ABCA4: variants seen among roughly 807,000 people sequenced by gnomAD.
The protein encoded by ABCA4 is ATP binding cassette subfamily A member 4.
A neutral mutation model predicts 263.7 loss-of-function variants in ABCA4; 196 were observed. That is an observed-to-expected ratio of 0.74 (90% confidence interval 0.66 to 0.84). The LOEUF is 0.84. Ranked by LOEUF, ABCA4 falls within the 40% of genes least tolerant of loss-of-function variation. The pLI is 0.00. For synonymous variants in ABCA4, 1,133 were observed against 1,094.2 expected (o/e 1.04, Z -0.70); for missense variants, 2,792 against 2,855.1 (o/e 0.98, Z 0.50).
At chr1:94,119,501 A>G (rs769099703) in intron 1 of ABCA4, among the ~76,000 whole-genome samples, 2 of 152,050 alleles carry the variant, frequency 1.3e-5, no homozygotes, top group Non-Finnish European at 2.9e-5. Context: ...ACATGCACCA[A>G]CCTGCCAGGG....
chr1:94,102,908 T>C (rs1662321273), intron 5 of ABCA4, 107 bp downstream of exon 5: 1 of 1,497,052 alleles, frequency 6.7e-7, no homozygotes, highest in Non-Finnish European at 9.2e-7. Flanking sequence ...GGATTCTGAA[T>C]GTGAACACAA....
intron 11 of ABCA4, among the ~76,000 whole-genome samples, chr1:94,075,735 G>A (rs1162842239): frequency 6.6e-6 from 1 of 152,244 alleles, no homozygotes. Flanking sequence ...AGATGACACA[G>A]ACCCAGACCT....
intron 48 of ABCA4, among the ~76,000 whole-genome samples, chr1:93,996,968 A>G (rs1326839534): frequency 6.6e-6 from 1 of 152,194 alleles, no homozygotes; most frequent in Non-Finnish European, 1.5e-5. Flanking sequence ...AAAGTAGAAC[A>G]GTAGTTGCCA....
At position 94,019,215 on chromosome 1, in the gene ABCA4, C is replaced by T. The variant is rs1237869540; in HGVS notation, c.5196+367G>A. 2.6e-5 allele frequency among the ~76,000 whole-genome samples: 4 copies of T among 151,720 alleles called. No homozygotes were observed. In the East Asian group the frequency reaches 7.7e-4, roughly 29 times the overall value. ...GGTGGGGCAGGATTTGAGAAGGGGACTTGGGGTGAAAGACCCCTTCATATT... is the reference window on the plus strand; with the variant it reads ...GGTGGGGCAGGATTTGAGAAGGGGATTTGGGGTGAAAGACCCCTTCATATT... On this transcript the variant is annotated intron_variant, in intron 36 of 49. Coordinates refer to ENST00000370225, the MANE Select transcript of ABCA4 (RefSeq NM_000350.3).
chr1:94,023,505 T>G, intron 31 of ABCA4, 87 bp from the exon 32 acceptor site: 1 of 1,216,050 alleles, frequency 8.2e-7, no homozygotes, highest in South Asian at 1.3e-5. Context: ...TTTTGAAGAC[T>G]GAAGTCTCAG....
chr1:94,112,605 C>T (rs560372472), intron 2 of ABCA4, among the ~76,000 whole-genome samples: 2 of 152,098 alleles, frequency 1.3e-5, no homozygotes, highest in East Asian at 3.9e-4. Flanking sequence ...CAAGACCAGC[C>T]CGGGCAATGT....
At chr1:94,044,782 T>C (rs1042466725) in intron 19 of ABCA4, 38 bp from the exon 20 acceptor site, 1 of 1,614,120 alleles carries the variant, frequency 6.2e-7, no homozygotes, top group Middle Eastern at 1.6e-4. Context: ...AGAGATGGCC[T>C]TTAGCAACAT....
At chr1:94,044,176 C>T (rs919546162) in intron 20 of ABCA4, among the ~76,000 whole-genome samples, 4 of 148,764 alleles carry the variant, frequency 2.7e-5, no homozygotes, top group African/African-American at 7.5e-5. Flanking sequence ...TGCGTAGCTT[C>T]TTAGATAAGA....
In ABCA4 at chr1:94,019,713, A is replaced by T; in HGVS notation, c.5065T>A (p.Ser1689Thr). Residue 1689 changes from serine (S) to threonine (T), a missense_variant, in exon 36 of 50, where the codon TCC becomes ACC. Physicochemically the swap from Ser to Thr is moderately conservative, Grantham distance 58. Transcript: ENST00000370225. Reference sequence around the variant, plus strand: ...AAGCTGGCTGGGACGAAGGACATGGAGAAAATCACGCAGATGGCAACCACA... The same window carrying T: ...AAGCTGGCTGGGACGAAGGACATGGTGAAAATCACGCAGATGGCAACCACA... ...DAVVAICVIF[S>T]MSFVPASFVL... The T allele has an allele frequency of 6.2e-7, 1 of 1,613,756 alleles. No individual in the cohort carries two copies. Among genetic ancestry groups the T allele is most frequent in the Non-Finnish European group, 8.5e-7 (1 of 1,179,872 alleles).
At chr1:94,045,586 A>T in intron 19 of ABCA4, 1 of 374,246 alleles carries the variant, frequency 2.7e-6, no homozygotes. Flanking sequence ...GTTAGCATGG[A>T]GAGAAAGCAG....
rs187557295 is a variant in ABCA4, at chr1:93,992,957, G to C, written c.*280C>G. The C allele has an allele frequency of 1.9e-5, 10 of 522,220 alleles. No individual in the cohort carries two copies. In the East Asian group the frequency reaches 3.0e-4, roughly 15 times the overall value. 32.3% of individuals were successfully genotyped at this position (522,220 alleles called of 1,614,324 possible). ...TGAGAGCAATATGGAGGCCAAAGCT[G>C]CTAGTGGGATGGCCCGGGGTTTCTA... On this transcript the variant is annotated 3_prime_UTR_variant, in exon 50 of 50. Transcript: ENST00000370225.
At chr1:94,111,369 C>T (rs539343780) in intron 3 of ABCA4, 69 bp downstream of exon 3, 8 of 1,578,926 alleles carry the variant, frequency 5.1e-6, no homozygotes, top group Admixed American at 1.7e-5. Flanking sequence ...CGTGCACGCA[C>T]GTGTGCATTT....
intron 4 of ABCA4, among the ~76,000 whole-genome samples, chr1:94,104,305 C>T (rs533579895): frequency 1.3e-4 from 20 of 152,200 alleles, no homozygotes; most frequent in Non-Finnish European, 1.5e-4. Flanking sequence ...CTCTTCACCC[C>T]GAGTGCTTCA....
intron 11 of ABCA4, among the ~76,000 whole-genome samples, chr1:94,065,357 T>A (rs545791479): frequency 3.9e-5 from 6 of 152,210 alleles, no homozygotes; most frequent in African/African-American, 1.4e-4. Context: ...CCCAGGTCAT[T>A]TGATTCCACA....
rs1659055754 is a variant in ABCA4, at chr1:93,997,971, G to A, written c.6619C>T (p.Gln2207Ter). 1 of 1,614,070 alleles carries A rather than the reference G, an allele frequency of 6.2e-7. No individual in the cohort carries two copies. The highest frequency in any genetic ancestry group is 1.1e-5 in the South Asian group (1 of 91,076). The change falls in exon 48 of 50, where the codon CAG becomes TAG. Residue 2207 changes from glutamine (Q) to a stop codon, truncating the protein, a stop_gained. Coordinates refer to ENST00000370225, the MANE Select transcript of ABCA4 (RefSeq NM_000350.3). LOFTEE classifies it high-confidence loss of function. ...AGGGAGGAGGAGGAGACCTGGAACT[G>A]GAGCATGTTGTAGTGCCTCTCCCTC... The part of the protein sequence containing the change: ...VQRERHYNML[Q>*]FQVSSSSLAR...
Position 94,121,072 on chromosome 1 carries a change from G to C in ABCA4, c.-27C>G, listed in dbSNP as rs369474958. Reference sequence around the variant, plus strand: ...CTAATGACCACACGAAGACCAGATTGGTCAGAGCTGAGGCCCCTCAGACAG... The same window carrying C: ...CTAATGACCACACGAAGACCAGATTCGTCAGAGCTGAGGCCCCTCAGACAG... On this transcript the variant is annotated 5_prime_UTR_variant, in exon 1 of 50. Coordinates refer to ENST00000370225, the MANE Select transcript of ABCA4 (RefSeq NM_000350.3). 8.7e-6 allele frequency: 14 copies of C among 1,612,724 alleles called. No homozygotes were observed. Among genetic ancestry groups the C allele is most frequent in the Non-Finnish European group, 1.1e-5 (13 of 1,178,698 alleles).
At chr1:94,116,982 C>CTTTCT (rs1557812274) in intron 1 of ABCA4, among the ~76,000 whole-genome samples, 1 of 105,402 alleles carries the variant, frequency 9.5e-6, no homozygotes, top group East Asian at 2.9e-4. Context: ...TTCTTTCTTT[C>CTTTCT]TTTCTTTCTT....
At chr1:94,120,686 A>G (rs895719158) in intron 1 of ABCA4, among the ~76,000 whole-genome samples, 1 of 141,606 alleles carries the variant, frequency 7.1e-6, no homozygotes, top group South Asian at 2.6e-4. Context: ...GGCAGGTGTA[A>G]AACGGGGGGT....
At chr1:94,046,809 T>C in intron 19 of ABCA4, 110 bp downstream of exon 19, 1 of 1,404,786 alleles carries the variant, frequency 7.1e-7, no homozygotes, top group Non-Finnish European at 1.0e-6. Context: ...GGGCCGCAAA[T>C]ATTTGTCACT....
Sources: allele counts gnomAD v4.1 joint callset (sites outside exome capture counted in the v4.1 genomes callset), GRCh38; gene constraint gnomAD v4.1.1; transcripts MANE v1.5; gene names NCBI Gene and HGNC (gene_info 2026-07-23, HGNC 2026-07-21).